The following FAT1 variants were observed in gnomAD, a reference collection of about 807,000 sequenced individuals.
FAT1 encodes the protein protocadherin Fat 1.
FAT1 carries 171 observed loss-of-function variants against 329.8 expected under a neutral mutation model. The ratio of observed to expected loss-of-function variants is 0.52; its 90% CI spans 0.46 to 0.59. The LOEUF is 0.59. Among genes scored for constraint, FAT1 ranks in the 20% least tolerant of loss-of-function variants. FAT1 has a pLI of 0.00. For missense variants in FAT1, 5,672 were observed against 5,774.4 expected (o/e 0.98, Z 0.57); for synonymous variants, 2,233 against 2,228.6 (o/e 1.00, Z -0.06).
intron 9 of FAT1, among the ~76,000 whole-genome samples, chr4:186,627,509 A>C (rs328437): frequency 0.25 from 37,879 of 151,948 alleles, 5,933 homozygotes; most frequent in African/African-American, 0.44. Flanking sequence ...ACCGTCCAGG[A>C]CCGCAGCTCC....
chr4:186,613,004 A>G, intron 13 of FAT1, 105 bp downstream of exon 13: 1 of 680,564 alleles, frequency 1.5e-6, no homozygotes, highest in Non-Finnish European at 2.6e-6. Flanking sequence ...TGGAACATGC[A>G]TGAGGTGGAG....
intron 2 of FAT1, among the ~76,000 whole-genome samples, chr4:186,692,281 AGTG>A (rs1464881560): frequency 5.9e-5 from 9 of 151,914 alleles, no homozygotes; most frequent in Admixed American, 5.9e-4. Context: ...CAAAATACTA[AGTG>A]GTATTAAAAT....
chr4:186,592,837 C>G, intron 26 of FAT1: 2 of 447,300 alleles, frequency 4.5e-6, no homozygotes, highest in South Asian at 1.6e-5. Context: ...TTGTATTATA[C>G]CATTTCTACC....
At position 186,679,866 on chromosome 4, in the gene FAT1, C is replaced by T. The variant is rs565560619; in HGVS notation, c.3266-16253G>A. Among the ~76,000 whole-genome samples the T allele has an allele frequency of 2.0e-5, 3 of 152,280 alleles. No individual in the cohort carries two copies. The East Asian group carries it at 5.8e-4, about 29-fold the overall frequency. On this transcript the variant is annotated intron_variant, in intron 2 of 26. Coordinates refer to ENST00000441802, the MANE Select transcript of FAT1 (RefSeq NM_005245.4). ...TTATTTTACTACATTGGTTGGTTTGCTGTAGCAGGCTATTTGTTAAAATCT... is the reference window on the plus strand; with the variant it reads ...TTATTTTACTACATTGGTTGGTTTGTTGTAGCAGGCTATTTGTTAAAATCT...
rs2126511420 is a variant in FAT1, at chr4:186,620,002, A to T, written c.6584T>A (p.Ile2195Asn). Reference sequence around the variant, plus strand: ...GTGGACCACAGGGCTGTGCACCTGGATGCTCTCTGCAATCTCTGCACTGTA... The same window carrying T: ...GTGGACCACAGGGCTGTGCACCTGGTTGCTCTCTGCAATCTCTGCACTGTA... ...PFYSAEIAES[I>N]QVHSPVVHVQ... is the part of the protein sequence containing the mutation. Residue 2195 changes from isoleucine to asparagine, a missense_variant, in exon 10 of 27, where the codon ATC (isoleucine) becomes AAC (asparagine). This residue lies in a region of FAT1 where 3,966 missense variants were observed against 3,915.2 expected (regional missense o/e 1.01). Coordinates refer to ENST00000441802, the MANE Select transcript of FAT1 (RefSeq NM_005245.4). 1 of 1,614,026 alleles carries T rather than the reference A, an allele frequency of 6.2e-7. No individual in the cohort carries two copies. Among genetic ancestry groups the T allele is most frequent in the Non-Finnish European group, 8.5e-7 (1 of 1,179,900 alleles).
chr4:186,589,908 T>C (rs1738154779), intron 26 of FAT1, among the ~76,000 whole-genome samples: 1 of 152,158 alleles, frequency 6.6e-6, no homozygotes, highest in African/African-American at 2.4e-5. Context: ...CATAATAATG[T>C]AGCAAGTTTA....
chr4:186,631,474 T>A (rs760971541), intron 7 of FAT1, among the ~76,000 whole-genome samples: 28 of 151,024 alleles, frequency 1.9e-4, no homozygotes, highest in Non-Finnish European at 3.8e-4. Flanking sequence ...CTTCAATCCA[T>A]CCCCATGGTA....
intron 2 of FAT1, among the ~76,000 whole-genome samples, chr4:186,686,714 T>C (rs1182929706): frequency 6.6e-6 from 1 of 152,170 alleles, no homozygotes; most frequent in East Asian, 1.9e-4. Context: ...GCCAAGGAAC[T>C]GCTTATTGCC....
intron 2 of FAT1, among the ~76,000 whole-genome samples, chr4:186,668,891 C>T (rs1742594923): frequency 6.6e-6 from 1 of 152,152 alleles, no homozygotes; most frequent in South Asian, 2.1e-4. Flanking sequence ...TGTGGTCACT[C>T]TCAAACCTCT....
chr4:186,596,376 A>T lies in FAT1; in HGVS notation c.13000+164T>A, dbSNP rs561262271. Among the ~76,000 whole-genome samples the T allele has an allele frequency of 8.3e-4, 127 of 152,362 alleles. No individual in the cohort carries two copies. Among genetic ancestry groups the T allele is most frequent in the African/African-American group, 3.0e-3 (124 of 41,584 alleles). On this transcript the variant is annotated intron_variant, in intron 25 of 26. Coordinates refer to ENST00000441802, the MANE Select transcript of FAT1 (RefSeq NM_005245.4). This position sits in a 1 kb window ranked among gnomAD's most constrained non-coding sequence, Gnocchi z 4.7. ...AAATAACATCAAAGCCACAATGCTA[A>T]CCCAGCAATCGGGACATCCAAAAAA... is the stretch of plus-strand genomic sequence containing the variant.
At chr4:186,654,108 T>C (rs1741792126) in intron 3 of FAT1, among the ~76,000 whole-genome samples, 1 of 152,184 alleles carries the variant, frequency 6.6e-6, no homozygotes, top group Non-Finnish European at 1.5e-5. Flanking sequence ...CACCATGCAC[T>C]GAGAAGCGGC....
At chr4:186,630,115 T>G (rs1429073848) in intron 7 of FAT1, among the ~76,000 whole-genome samples, 1 of 152,174 alleles carries the variant, frequency 6.6e-6, no homozygotes, top group Non-Finnish European at 1.5e-5. Flanking sequence ...GGGTGTGAAA[T>G]CAGCATGCAA....
rs1431453984 is a variant in FAT1 at position 186,601,323 on chromosome 4, A to G, written c.11586T>C (p.Tyr3862=). 1.9e-6 allele frequency: 3 copies of G among 1,612,866 alleles called. No homozygotes were observed. Among genetic ancestry groups the G allele is most frequent in the Non-Finnish European group, 2.5e-6 (3 of 1,178,992 alleles). ...EMKLTMRLRT[Y]STHAVVMYAR... is the part of the protein sequence containing the mutation. ...CATACATGACAACCGCATGCGTGGA[A>G]TATGTTCTGAGCCTCATGGTCAGTT... is the stretch of plus-strand genomic sequence containing the variant. The change falls in exon 21 of 27, where the codon TAT becomes TAC. Residue 3862 remains tyrosine (Y), a synonymous_variant. Transcript: ENST00000441802.
In FAT1 at chr4:186,603,797, T is replaced by C. The variant is rs772909331; in HGVS notation, c.10729A>G (p.Thr3577Ala). The part of the protein sequence containing the change: ...IHATDQDVYD[T>A]LTYSLDPQMD... ...TGAGGGTCGAGACTGTAGGTTAGAGTATCATACACGTCCTGGTCTGTGGCA... is the reference window on the plus strand; with the variant it reads ...TGAGGGTCGAGACTGTAGGTTAGAGCATCATACACGTCCTGGTCTGTGGCA... The change falls in exon 19 of 27, where the codon ACT (threonine) becomes GCT (alanine). Residue 3577 changes from threonine to alanine, a missense_variant. By Grantham distance (58) the Thr-to-Ala change is moderately conservative. Around this residue, in one of 2 missense-constraint regions of FAT1, gnomAD observed 1,706 missense variants for 1,859.1 expected, o/e 0.92. Coordinates refer to ENST00000441802, the MANE Select transcript of FAT1 (RefSeq NM_005245.4). 4 of 1,613,716 alleles carry C rather than the reference T, an allele frequency of 2.5e-6. No individual in the cohort carries two copies. Among genetic ancestry groups the C allele is most frequent in the Admixed American group, 1.7e-5 (1 of 59,982 alleles).
intron 3 of FAT1, among the ~76,000 whole-genome samples, chr4:186,642,862 T>G (rs1281833503): frequency 6.6e-6 from 1 of 152,224 alleles, no homozygotes; most frequent in Non-Finnish European, 1.5e-5. Flanking sequence ...GGAAGCAATC[T>G]GCTGGAAGAG....
chr4:186,588,576 T>TG lies in FAT1; in HGVS notation c.*15dup, dbSNP rs147542447. 5.0e-3 allele frequency: 7,959 copies of TG among 1,599,144 alleles called. 228 individuals are homozygous for TG. The African/African-American group carries it at 0.073, about 15-fold the overall frequency. Reference sequence around the variant, plus strand: ...CTAGGTTCACTAAAGTCAGGCACTTTGGGGGGAGTTGAGAGTCAGACTTCC... The same window carrying TG: ...CTAGGTTCACTAAAGTCAGGCACTTTGGGGGGGAGTTGAGAGTCAGACTTCC... On this transcript the variant is annotated 3_prime_UTR_variant, in exon 27 of 27. Transcript: ENST00000441802.
At position 186,628,610 on chromosome 4, in the gene FAT1, G is replaced by C; in HGVS notation, c.4477C>G (p.Leu1493Val). The change falls in exon 8 of 27, where the codon CTG becomes GTG. Residue 1493 changes from leucine (L) to valine (V), a missense_variant. Physicochemically the swap from Leu to Val is conservative, Grantham distance 32 (BLOSUM62 1). Around this residue, in one of 2 missense-constraint regions of FAT1, gnomAD observed 3,966 missense variants for 3,915.2 expected, o/e 1.01. Coordinates refer to ENST00000441802, the MANE Select transcript of FAT1 (RefSeq NM_005245.4). ...CTCAGTGGATCTCTACTGCTCTGCA[G>C]AGTGTAGATTAGTTTGTTTTTCTCA... ...QDEKNKLIYTLQSSRDPLSLK... is the reference protein window; with the variant it reads ...QDEKNKLIYTVQSSRDPLSLK... 6.2e-7 allele frequency: 1 copy of C among 1,613,982 alleles called. No homozygotes were observed. The highest frequency in any genetic ancestry group is 8.5e-7 in the Non-Finnish European group (1 of 1,179,896).
At chr4:186,593,359 A>G (rs892320351) in intron 26 of FAT1, among the ~76,000 whole-genome samples, 2 of 152,188 alleles carry the variant, frequency 1.3e-5, no homozygotes. Context: ...TTTGTGTATC[A>G]GATTGTTTTA....
chr4:186,664,388 G>T (rs151166197), intron 2 of FAT1, among the ~76,000 whole-genome samples: 4,137 of 152,048 alleles, frequency 0.027, 72 homozygotes, highest in Middle Eastern at 0.082. Context: ...TTAAATACCA[G>T]TATCCGCAGC....
Sources: allele counts gnomAD v4.1 joint callset (sites outside exome capture counted in the v4.1 genomes callset), GRCh38; gene constraint gnomAD v4.1.1; regional missense constraint gnomAD v4.1.1; non-coding constraint Gnocchi (gnomAD v3.1); transcripts MANE v1.5; gene names NCBI Gene and HGNC (gene_info 2026-07-23, HGNC 2026-07-21).